PHLPP1: variants seen among roughly 807,000 people sequenced by gnomAD.
PHLPP1 encodes PH domain and leucine rich repeat protein phosphatase 1, also known as PH domain leucine-rich repeat-containing protein phosphatase 1.
In PHLPP1, 42 loss-of-function variants were observed where a neutral mutation model predicts 117.2. The observed-to-expected ratio is 0.36, with a 90% CI of 0.28 to 0.46. PHLPP1 has a LOEUF of 0.46. PHLPP1 is among the 20% of genes least tolerant of loss of function. The probability of loss-of-function intolerance (pLI) is 1.00; values close to 1 mark genes in which losing one functional copy is unlikely to be tolerated. For synonymous variants in PHLPP1, 1,042 were observed against 970.7 expected, an observed-to-expected ratio of 1.07 and a Z score of -1.37; for missense variants, 2,084 against 2,241.9, an observed-to-expected ratio of 0.93 and a Z score of 1.42.
intron 14 of PHLPP1, among the ~76,000 whole-genome samples, chr18:62,969,574 A>T (rs986490464): frequency 2.6e-5 from 4 of 152,002 alleles, no homozygotes; most frequent in Non-Finnish European, 5.9e-5. Flanking sequence ...TCTTCTGTTG[A>T]TGATTGAGAG....
chr18:62,730,055 G>A (rs547566169), intron 1 of PHLPP1, among the ~76,000 whole-genome samples: 1 of 152,342 alleles, frequency 6.6e-6, no homozygotes, highest in Non-Finnish European at 1.5e-5. Flanking sequence ...TGGACAGTGA[G>A]CAAGAGAGAG....
chr18:62,724,138 C>T (rs1911000940), intron 1 of PHLPP1, among the ~76,000 whole-genome samples: 1 of 152,226 alleles, frequency 6.6e-6, no homozygotes, highest in African/African-American at 2.4e-5. Context: ...TTTGATTACC[C>T]CGTTCCCTGT....
intron 1 of PHLPP1, among the ~76,000 whole-genome samples, chr18:62,728,422 A>T (rs1911138345): frequency 6.6e-6 from 1 of 151,982 alleles, no homozygotes. Flanking sequence ...GTTCAGATTC[A>T]CTGAACTTTT....
At chr18:62,969,688 C>G (rs1465178766) in intron 14 of PHLPP1, among the ~76,000 whole-genome samples, 1 of 152,148 alleles carries the variant, frequency 6.6e-6, no homozygotes, top group Non-Finnish European at 1.5e-5. Flanking sequence ...ATGATGTAGC[C>G]TCTTGATGAA....
chr18:62,798,717 T>G (rs1182656378), intron 1 of PHLPP1, among the ~76,000 whole-genome samples: 1 of 152,092 alleles, frequency 6.6e-6, no homozygotes, highest in East Asian at 1.9e-4. Context: ...TTGCCTCACC[T>G]TCTCTTCTTT....
At chr18:62,951,938 C>G (rs527469835) in intron 12 of PHLPP1, among the ~76,000 whole-genome samples, 2 of 151,832 alleles carry the variant, frequency 1.3e-5, no homozygotes, top group Admixed American at 6.5e-5. Flanking sequence ...CCTCAGCCTC[C>G]CGAGTAGCTG....
At chr18:62,844,678 A>G (rs956290837) in intron 3 of PHLPP1, among the ~76,000 whole-genome samples, 1 of 152,180 alleles carries the variant, frequency 6.6e-6, no homozygotes, top group African/African-American at 2.4e-5. Context: ...TACTCTTTTT[A>G]CAACACCATT....
At chr18:62,895,212 A>G (rs746494193) in intron 5 of PHLPP1, 55 bp downstream of exon 5, 43 of 1,559,450 alleles carry the variant, frequency 2.8e-5, no homozygotes, top group Middle Eastern at 4.4e-4. Flanking sequence ...GGGAAGCTGC[A>G]TTGGGGGTGT....
At chr18:62,874,276 G>A in intron 4 of PHLPP1, among the ~76,000 whole-genome samples, 1 of 151,946 alleles carries the variant, frequency 6.6e-6, no homozygotes, top group Non-Finnish European at 1.5e-5. Flanking sequence ...GGGAGGCCAA[G>A]GCAGGTAGAT....
At chr18:62,763,115 G>A (rs1051146735) in intron 1 of PHLPP1, among the ~76,000 whole-genome samples, 2 of 152,138 alleles carry the variant, frequency 1.3e-5, no homozygotes, top group African/African-American at 2.4e-5. Context: ...GTATGACTCA[G>A]TTACTAATTT....
In PHLPP1 at chr18:62,766,102, T is replaced by A. The variant is rs28701646; in HGVS notation, c.1576+48843T>A. Among the ~76,000 whole-genome samples, 519 of 60,624 alleles carry A rather than the reference T, an allele frequency of 8.6e-3. 46 individuals carry two copies. Among genetic ancestry groups the A allele is most frequent in the Admixed American group, 0.015 (79 of 5,270 alleles). 39.8% of individuals were successfully genotyped at this position (60,624 alleles called of 152,430 possible). On this transcript the variant is annotated intron_variant, in intron 1 of 16. Transcript: ENST00000262719. ...ATATATATATATATATATATATATATAAAATATATATATATTTGTACAGAA... is the reference window on the plus strand; with the variant it reads ...ATATATATATATATATATATATATAAAAAATATATATATATTTGTACAGAA...
chr18:62,927,460 G>A (rs1456162291), intron 10 of PHLPP1, among the ~76,000 whole-genome samples: 1 of 152,136 alleles, frequency 6.6e-6, no homozygotes, highest in Non-Finnish European at 1.5e-5. Flanking sequence ...ATATAGTCAA[G>A]TGAACATTTT....
chr18:62,749,680 G>T (rs983092922), intron 1 of PHLPP1, among the ~76,000 whole-genome samples: 1 of 152,156 alleles, frequency 6.6e-6, no homozygotes, highest in Admixed American at 6.5e-5. Flanking sequence ...AGCTGTGCCT[G>T]CACATCTCTG....
At chr18:62,772,963 C>A (rs1041402775) in intron 1 of PHLPP1, among the ~76,000 whole-genome samples, 5 of 152,032 alleles carry the variant, frequency 3.3e-5, no homozygotes, top group Admixed American at 2.6e-4. Flanking sequence ...TCCCACCCCC[C>A]CAAAAAAAAC....
At chr18:62,945,004 A>G in intron 11 of PHLPP1, 105 bp from the exon 12 acceptor site, 2 of 842,372 alleles carry the variant, frequency 2.4e-6, no homozygotes, top group East Asian at 3.1e-5. Flanking sequence ...GTTTGTAAAA[A>G]TGACTGTTAC....
At chr18:62,936,611 C>T (rs1909975297) in intron 10 of PHLPP1, among the ~76,000 whole-genome samples, 1 of 152,204 alleles carries the variant, frequency 6.6e-6, no homozygotes, top group Admixed American at 6.5e-5. Flanking sequence ...AAGACATTGG[C>T]CTCACATATA....
At chr18:62,800,300 C>T (rs1234882852) in intron 1 of PHLPP1, among the ~76,000 whole-genome samples, 4 of 152,086 alleles carry the variant, frequency 2.6e-5, no homozygotes, top group Admixed American at 6.5e-5. Context: ...CAGGGATATC[C>T]GAATGTTCTT....
intron 1 of PHLPP1, among the ~76,000 whole-genome samples, chr18:62,733,772 G>C (rs762187832): frequency 3.3e-5 from 5 of 152,222 alleles, no homozygotes; most frequent in Non-Finnish European, 7.3e-5. Flanking sequence ...AAACTCCACT[G>C]TGTTGCCCTC....
In PHLPP1 at chr18:62,978,114, A is replaced by G; in HGVS notation, c.3985-148A>G. 1.7e-6 allele frequency: 1 copy of G among 598,932 alleles called. No homozygotes were observed. Among genetic ancestry groups the G allele is most frequent in the Non-Finnish European group, 3.0e-6 (1 of 333,958 alleles). The allele number at this position is 598,932 out of a possible 1,614,324, so 37.1% of individuals were successfully genotyped here. On this transcript the variant is annotated intron_variant, in intron 16 of 16. Coordinates refer to ENST00000262719, the MANE Select transcript of PHLPP1 (RefSeq NM_194449.4). The surrounding 1 kb of genome is among the most constrained non-coding windows in gnomAD (Gnocchi z 7.0). ...GACAGGTGCACATTAACTACTCACT[A>G]CAGAGTGAGCCCTTCTTTCCTCTGT...
Sources: allele counts gnomAD v4.1 joint callset (sites outside exome capture counted in the v4.1 genomes callset), GRCh38; gene constraint gnomAD v4.1.1; non-coding constraint Gnocchi (gnomAD v3.1); transcripts MANE v1.5; gene names NCBI Gene and HGNC (gene_info 2026-07-23, HGNC 2026-07-21).